TMEFF1: variants seen among roughly 807,000 people sequenced by gnomAD.
The protein encoded by TMEFF1 is transmembrane protein with EGF like and two follistatin like domains 1.
Under a neutral mutation model 47.5 loss-of-function variants are expected in TMEFF1, and 20 were observed. That is an observed-to-expected ratio of 0.42 (90% CI 0.30 to 0.61). The LOEUF is 0.61. Among genes scored for constraint, TMEFF1 ranks in the 20% least tolerant of loss-of-function variants. The pLI is 0.19. For missense variants in TMEFF1, 411 were observed against 471.1 expected (o/e 0.87, Z 1.18); for synonymous variants, 162 against 166.3 (o/e 0.97, Z 0.20).
chr9:100,488,724 G>A (rs1837496056), intron 1 of TMEFF1, among the ~76,000 whole-genome samples: 1 of 152,122 alleles, frequency 6.6e-6, no homozygotes, highest in South Asian at 2.1e-4. Flanking sequence ...AGGCATAGGT[G>A]GTAAATTACT....
At chr9:100,498,187 C>G (rs1041816537) in intron 1 of TMEFF1, among the ~76,000 whole-genome samples, 3 of 152,014 alleles carry the variant, frequency 2.0e-5, no homozygotes, top group African/African-American at 7.2e-5. Flanking sequence ...AGTTTTAAGT[C>G]TAGTAAGATT....
intron 7 of TMEFF1, among the ~76,000 whole-genome samples, chr9:100,556,080 C>T (rs1027575964): frequency 2.0e-4 from 30 of 152,080 alleles, no homozygotes; most frequent in African/African-American, 6.0e-4. Context: ...CCCCTCTGAG[C>T]TATTACTTTG....
chr9:100,522,704 G>A (rs1234781046), intron 5 of TMEFF1, among the ~76,000 whole-genome samples: 3 of 151,188 alleles, frequency 2.0e-5, no homozygotes, highest in Non-Finnish European at 4.4e-5. Context: ...CAAAGTGCTG[G>A]GATTACAGGC....
intron 6 of TMEFF1, among the ~76,000 whole-genome samples, chr9:100,549,052 T>C (rs1052158876): frequency 6.6e-6 from 1 of 152,156 alleles, no homozygotes; most frequent in Admixed American, 6.5e-5. Context: ...AATTTCAAGT[T>C]CAGAGCACCT....
chr9:100,572,857 A>G (rs117085787), intron 9 of TMEFF1, among the ~76,000 whole-genome samples, 181 bp downstream of exon 9: 3,955 of 152,120 alleles, frequency 0.026, 79 homozygotes, highest in Non-Finnish European at 0.041. Flanking sequence ...CCAGTCTTAC[A>G]GGTATATCTG....
intron 1 of TMEFF1, among the ~76,000 whole-genome samples, chr9:100,476,529 G>T (rs903082451): frequency 6.6e-6 from 1 of 151,710 alleles, no homozygotes; most frequent in Non-Finnish European, 1.5e-5. Context: ...GGAGTAGCTG[G>T]GACTACAGGC....
rs550375146 is a variant in TMEFF1, at chr9:100,576,971, G to A, written c.*371G>A. ...TGAACTAAAGGTAAAGATGTTTACA[G>A]ATTACTTTTCTTACAAAAAAAATCT... On this transcript the variant is annotated 3_prime_UTR_variant, in exon 10 of 10. Transcript: ENST00000374879. The A allele has an allele frequency of 6.3e-6, 1 of 159,768 alleles. No individual in the cohort carries two copies. The highest frequency in any genetic ancestry group is 1.8e-4 in the East Asian group (1 of 5,508). 9.9% of individuals were successfully genotyped at this position (159,768 alleles called of 1,614,324 possible).
At position 100,566,068 on chromosome 9, in the gene TMEFF1, C is replaced by G. The variant is rs186864115; in HGVS notation, c.899+4548C>G. Among the ~76,000 whole-genome samples, 8 of 152,334 alleles carry G rather than the reference C, an allele frequency of 5.3e-5. No homozygotes were observed. The South Asian group carries it at 1.7e-3, about 32-fold the overall frequency. Reference sequence around the variant, plus strand: ...ATTTGACACACTTGTTCACCCCCTCCTGTGTGATATGCATTCTTCACTTGG... The same window carrying G: ...ATTTGACACACTTGTTCACCCCCTCGTGTGTGATATGCATTCTTCACTTGG... On this transcript the variant is annotated intron_variant, in intron 8 of 9. Coordinates refer to ENST00000374879, the MANE Select transcript of TMEFF1 (RefSeq NM_003692.5).
At chr9:100,514,352 A>C (rs1415579102) in intron 4 of TMEFF1, among the ~76,000 whole-genome samples, 13 of 151,874 alleles carry the variant, frequency 8.6e-5, no homozygotes, top group Admixed American at 6.6e-4. Context: ...CAAACAATAG[A>C]ATTTGAAGTA....
chr9:100,560,259 C>T (rs1304058441), intron 7 of TMEFF1, among the ~76,000 whole-genome samples: 1 of 152,040 alleles, frequency 6.6e-6, no homozygotes, highest in African/African-American at 2.4e-5. Context: ...CTTTAGTCCT[C>T]TCAAAACTGC....
chr9:100,566,907 G>T (rs143643133), intron 8 of TMEFF1, among the ~76,000 whole-genome samples: 1 of 151,994 alleles, frequency 6.6e-6, no homozygotes, highest in Non-Finnish European at 1.5e-5. Flanking sequence ...GTTTCAGCAC[G>T]TTGGCCAGGC....
At chr9:100,533,222 A>T (rs1012435715) in intron 5 of TMEFF1, among the ~76,000 whole-genome samples, 11 of 152,164 alleles carry the variant, frequency 7.2e-5, no homozygotes, top group Non-Finnish European at 8.8e-5. Context: ...CATGTACCGT[A>T]GAACTTAAAG....
intron 3 of TMEFF1, among the ~76,000 whole-genome samples, chr9:100,510,001 T>C (rs1837933347): frequency 6.6e-6 from 1 of 152,200 alleles, no homozygotes; most frequent in Admixed American, 6.5e-5. Flanking sequence ...GTGAGGTAAC[T>C]TGAATTATTA....
chr9:100,533,442 C>G (rs1340405780), intron 5 of TMEFF1, among the ~76,000 whole-genome samples: 1 of 151,924 alleles, frequency 6.6e-6, no homozygotes, highest in Admixed American at 6.6e-5. Flanking sequence ...CTTTTATTAT[C>G]TTTTAAATCA....
intron 5 of TMEFF1, among the ~76,000 whole-genome samples, chr9:100,539,057 C>G (rs1403064235): frequency 2.0e-5 from 3 of 152,134 alleles, no homozygotes; most frequent in African/African-American, 7.2e-5. Context: ...CAGGTGCCTA[C>G]CACCATGCCC....
At chr9:100,564,287 C>T (rs1293280101) in intron 8 of TMEFF1, among the ~76,000 whole-genome samples, 3 of 152,172 alleles carry the variant, frequency 2.0e-5, no homozygotes, top group African/African-American at 7.2e-5. Flanking sequence ...GTTGGCCAGG[C>T]TAGTCTCGAA....
At chr9:100,562,533 C>T (rs1453138856) in intron 8 of TMEFF1, among the ~76,000 whole-genome samples, 1 of 151,906 alleles carries the variant, frequency 6.6e-6, no homozygotes, top group Non-Finnish European at 1.5e-5. Context: ...ATTGAAAGTT[C>T]TCCTTGTCTT....
intron 7 of TMEFF1, among the ~76,000 whole-genome samples, chr9:100,555,162 GACACACAC>G (rs112017161): frequency 1.8e-4 from 26 of 144,392 alleles, no homozygotes; most frequent in Non-Finnish European, 2.8e-4. Context: ...TGTACACACA[GACACACAC>G]ACACACACAC....
intron 5 of TMEFF1, among the ~76,000 whole-genome samples, chr9:100,526,459 G>GT (rs528331354): frequency 1.3e-3 from 192 of 151,604 alleles, no homozygotes; most frequent in African/African-American, 4.4e-3. Flanking sequence ...TCTGTTTTAA[G>GT]TTTTTTTTGC....
Sources: allele counts gnomAD v4.1 joint callset (sites outside exome capture counted in the v4.1 genomes callset), GRCh38; gene constraint gnomAD v4.1.1; transcripts MANE v1.5; gene names NCBI Gene and HGNC (gene_info 2026-07-23, HGNC 2026-07-21).